The following SETBP1 variants were observed in gnomAD, a reference collection of about 807,000 sequenced individuals.
SETBP1 encodes SET-binding protein.
A neutral mutation model predicts 101.0 loss-of-function variants in SETBP1; 9 were observed. The observed-to-expected ratio is 0.09, with a 90% CI of 0.05 to 0.16. The LOEUF (loss-of-function observed/expected upper bound fraction) is 0.16. Ranked by LOEUF, SETBP1 falls within the 10% of genes least tolerant of loss-of-function variation. The pLI, the probability that SETBP1 is intolerant of heterozygous loss-of-function variation, is 1.00. For synonymous variants in SETBP1, 818 were observed against 788.5 expected (o/e 1.04, Z -0.63); for missense variants, 1,858 against 2,033.8 (o/e 0.91, Z 1.66).
At chr18:44,701,019 A>G (rs922503966) in intron 1 of SETBP1, among the ~76,000 whole-genome samples, 156 bp from the exon 2 acceptor site, 1 of 152,028 alleles carries the variant, frequency 6.6e-6, no homozygotes, top group Non-Finnish European at 1.5e-5. Flanking sequence ...AGTAAAATCC[A>G]ATTTGGGGAT....
At chr18:44,788,498 C>T (rs920766179) in intron 2 of SETBP1, among the ~76,000 whole-genome samples, 15 of 152,184 alleles carry the variant, frequency 9.9e-5, no homozygotes, top group Admixed American at 7.9e-4. Context: ...CTTTAGATGG[C>T]TGAGGCCATT....
At chr18:44,817,158 G>A (rs1599168050) in intron 2 of SETBP1, among the ~76,000 whole-genome samples, 1 of 152,172 alleles carries the variant, frequency 6.6e-6, no homozygotes. Context: ...GTAGAACGAA[G>A]AGCATTTAAT....
At position 44,952,073 on chromosome 18, in the gene SETBP1, A is replaced by G; in HGVS notation, c.2733A>G (p.Thr911=). The change falls in exon 4 of 6, where the codon ACA becomes ACG. Residue 911 remains threonine (T), a synonymous_variant. Transcript: ENST00000649279. ...NPEAIPSDTS[T]KNRHGHRQKH... is the part of the protein sequence containing the mutation. ...AGGCCATTCCGTCCGACACCAGCACAAAGAACCGGCATGGCCACCGGCAAA... is the reference window on the plus strand; with the variant it reads ...AGGCCATTCCGTCCGACACCAGCACGAAGAACCGGCATGGCCACCGGCAAA... The G allele has an allele frequency of 1.2e-6, 2 of 1,614,104 alleles. No individual in the cohort carries two copies. The highest frequency in any genetic ancestry group is 1.7e-6 in the Non-Finnish European group (2 of 1,180,028).
intron 2 of SETBP1, among the ~76,000 whole-genome samples, chr18:44,810,944 T>G (rs1467799144): frequency 6.6e-6 from 1 of 152,222 alleles, no homozygotes; most frequent in African/African-American, 2.4e-5. Context: ...GCGAACCATG[T>G]AAATTTCAAA....
chr18:44,998,564 G>A (rs965589263), intron 4 of SETBP1, among the ~76,000 whole-genome samples: 2 of 152,192 alleles, frequency 1.3e-5, no homozygotes, highest in East Asian at 1.9e-4. Context: ...AACGACTGCC[G>A]TTCCTTTTTC....
At chr18:44,839,763 G>A (rs1177359438) in intron 2 of SETBP1, among the ~76,000 whole-genome samples, 1 of 152,166 alleles carries the variant, frequency 6.6e-6, no homozygotes, top group African/African-American at 2.4e-5. Flanking sequence ...GGGTTTTAAG[G>A]GTACCTGTGT....
In SETBP1 at chr18:44,701,550, T is replaced by A. The variant is rs747370385; in HGVS notation, c.204T>A (p.Asp68Glu). 1 of 1,614,008 alleles carries A rather than the reference T, an allele frequency of 6.2e-7. No individual in the cohort carries two copies. Among genetic ancestry groups the A allele is most frequent in the East Asian group, 2.2e-5 (1 of 44,872 alleles). The change falls in exon 2 of 6, where the codon GAT becomes GAA. Residue 68 changes from aspartate (D) to glutamate (E), a missense_variant. Physicochemically the swap from Asp to Glu is conservative, Grantham distance 45. This residue lies in a region of SETBP1 where 97 missense variants were observed against 101.2 expected (regional missense o/e 0.96). Transcript: ENST00000649279. ...AGGATGAACTAGGCTCAGGGCGGGA[T>A]GTGGATTCCAACTCCAACGCGGACA... Reference protein sequence around the residue: ...EEEDELGSGRDVDSNSNADSE... With the variant: ...EEEDELGSGREVDSNSNADSE...
intron 3 of SETBP1, among the ~76,000 whole-genome samples, chr18:44,884,319 C>T (rs1031132648): frequency 3.3e-5 from 5 of 152,162 alleles, no homozygotes; most frequent in South Asian, 2.1e-4. Context: ...ATGCATGTAA[C>T]GGACCAAGCA....
intron 4 of SETBP1, among the ~76,000 whole-genome samples, chr18:45,031,845 G>A (rs1016561293): frequency 1.3e-5 from 2 of 152,156 alleles, no homozygotes; most frequent in South Asian, 2.1e-4. Flanking sequence ...ATGGTGAGAC[G>A]ACAAATGGGA....
At chr18:44,817,301 G>T (rs1458001263) in intron 2 of SETBP1, among the ~76,000 whole-genome samples, 1 of 152,138 alleles carries the variant, frequency 6.6e-6, no homozygotes, top group Admixed American at 6.5e-5. Flanking sequence ...CTTTCCTAGG[G>T]TCACGCAGTT....
chr18:44,906,324 C>T (rs1208274301), intron 3 of SETBP1, among the ~76,000 whole-genome samples: 1 of 152,110 alleles, frequency 6.6e-6, no homozygotes, highest in African/African-American at 2.4e-5. Flanking sequence ...GATAGTAGTC[C>T]TAGCAGCCAC....
At chr18:44,830,830 A>T (rs185250072) in intron 2 of SETBP1, among the ~76,000 whole-genome samples, 21 of 152,344 alleles carry the variant, frequency 1.4e-4, no homozygotes, top group African/African-American at 5.0e-4. Flanking sequence ...AACCCTATAC[A>T]TTGAGAATTT....
chr18:45,056,938 A>G (rs1267164341), intron 5 of SETBP1, among the ~76,000 whole-genome samples: 1 of 152,180 alleles, frequency 6.6e-6, no homozygotes, highest in African/African-American at 2.4e-5. Flanking sequence ...AACCCCTAAG[A>G]ATAAGTTGTT....
At chr18:44,892,443 A>G (rs1175373649) in intron 3 of SETBP1, among the ~76,000 whole-genome samples, 2 of 152,178 alleles carry the variant, frequency 1.3e-5, no homozygotes. Context: ...GCATATGTAC[A>G]TGGCTTAGGC....
intron 2 of SETBP1, among the ~76,000 whole-genome samples, chr18:44,787,877 A>AAAAAG (rs2071277155): frequency 7.7e-6 from 1 of 130,336 alleles, no homozygotes; most frequent in Admixed American, 7.8e-5. Context: ...AAAAAAAAAA[A>AAAAAG]AAAGAAAATT....
Position 44,952,483 on chromosome 18 carries a change from A to G in SETBP1, c.3143A>G (p.Tyr1048Cys), listed in dbSNP as rs977570538. The change falls in exon 4 of 6, where the codon TAT becomes TGT. Residue 1048 changes from tyrosine to cysteine, a missense_variant. Around this residue, in one of 12 missense-constraint regions of SETBP1, gnomAD observed 255 missense variants for 300.1 expected, o/e 0.85. Coordinates refer to ENST00000649279, the MANE Select transcript of SETBP1 (RefSeq NM_015559.3). ...TACCCTATTCCCAGTGGAAGTTACT[A>G]TGCACCCTATGGAATGCCTTACACA... Reference protein sequence around the residue: ...FSYPIPSGSYYAPYGMPYTSM... With the variant: ...FSYPIPSGSYCAPYGMPYTSM... 8.1e-6 allele frequency: 13 copies of G among 1,613,980 alleles called. No homozygotes were observed. Among genetic ancestry groups the G allele is most frequent in the South Asian group, 2.2e-5 (2 of 91,082 alleles).
chr18:44,972,573 C>T (rs551851609), intron 4 of SETBP1, among the ~76,000 whole-genome samples: 143 of 152,250 alleles, frequency 9.4e-4, no homozygotes, highest in African/African-American at 3.2e-3. Flanking sequence ...TTGTAGTTCT[C>T]CCTGAAGAGA....
chr18:45,048,768 C>T (rs918520980), intron 5 of SETBP1, among the ~76,000 whole-genome samples: 7 of 150,122 alleles, frequency 4.7e-5, no homozygotes, highest in Non-Finnish European at 8.9e-5. Flanking sequence ...GTCAGGAGAT[C>T]GAGACCATCC....
chr18:44,924,674 TA>T (rs893868094), intron 3 of SETBP1, among the ~76,000 whole-genome samples: 13 of 152,284 alleles, frequency 8.5e-5, no homozygotes, highest in Admixed American at 3.9e-4. Context: ...AGGATGGGTT[TA>T]TTCAGAAGAA....
Sources: allele counts gnomAD v4.1 joint callset (sites outside exome capture counted in the v4.1 genomes callset), GRCh38; gene constraint gnomAD v4.1.1; regional missense constraint gnomAD v4.1.1; transcripts MANE v1.5; gene names NCBI Gene and HGNC (gene_info 2026-07-23, HGNC 2026-07-21).